Variants in LHFPL2 observed in about 807,000 individuals in gnomAD.
LHFPL2 encodes the protein LHFPL tetraspan subfamily member 2, also known as LHFPL tetraspan subfamily member 2 protein.
A neutral mutation model predicts 17.5 loss-of-function variants in LHFPL2; 7 were observed. The ratio of observed to expected loss-of-function variants is 0.40; its 90% CI spans 0.23 to 0.75. The LOEUF (loss-of-function observed/expected upper bound fraction) is 0.75. Among genes scored for constraint, LHFPL2 ranks in the 30% least tolerant of loss-of-function variants. LHFPL2 has a pLI of 0.37. For synonymous variants in LHFPL2, 134 were observed against 116.2 expected (o/e 1.15, Z -0.99); for missense variants, 241 against 294.8 (o/e 0.82, Z 1.34).
At chr5:78,518,378 G>A (rs913924444) in intron 3 of LHFPL2, among the ~76,000 whole-genome samples, 6 of 152,178 alleles carry the variant, frequency 3.9e-5, no homozygotes, top group Admixed American at 3.3e-4. Flanking sequence ...GGTACGCAGC[G>A]TTTTCCAACT....
At chr5:78,515,937 G>T (rs1755278708) in intron 3 of LHFPL2, among the ~76,000 whole-genome samples, 1 of 152,162 alleles carries the variant, frequency 6.6e-6, no homozygotes, top group African/African-American at 2.4e-5. Context: ...AGGTCACAGG[G>T]CCCAGTGACT....
intron 4 of LHFPL2, chr5:78,494,511 G>GA (rs1754544750): frequency 3.0e-6 from 3 of 985,254 alleles, no homozygotes; most frequent in Non-Finnish European, 3.6e-6. Context: ...GCAATGGGGG[G>GA]ATCACATGAT....
chr5:78,488,830 A>C lies in LHFPL2; in HGVS notation c.*67T>G. ...TAAAGGTTAGTTCTCCACTTGACTC[A>C]AATGATGAAACTGTGGACTGTTTCA... On this transcript the variant is annotated 3_prime_UTR_variant, in exon 5 of 5. Transcript: ENST00000380345. The C allele has an allele frequency of 2.5e-6, 4 of 1,569,548 alleles. No individual in the cohort carries two copies. In the South Asian group the frequency reaches 4.6e-5, roughly 18 times the overall value.
chr5:78,501,026 C>T lies in LHFPL2; in HGVS notation c.430+8758G>A, dbSNP rs117504657. 3.2e-3 allele frequency among the ~76,000 whole-genome samples: 490 copies of T among 152,236 alleles called. 4 individuals carry two copies. The highest frequency in any genetic ancestry group is 0.025 in the East Asian group (132 of 5,178). On this transcript the variant is annotated intron_variant, in intron 4 of 4. Transcript: ENST00000380345. ...ACATTTACTGAGCATCTACTATGTA[C>T]GTAGTGGGTTCCATTCTGAACACTA...
At chr5:78,511,761 T>G (rs535488533) in intron 3 of LHFPL2, among the ~76,000 whole-genome samples, 1 of 152,208 alleles carries the variant, frequency 6.6e-6, no homozygotes, top group African/African-American at 2.4e-5. Context: ...CCTTGAAACA[T>G]GATGTATTTT....
intron 2 of LHFPL2, among the ~76,000 whole-genome samples, chr5:78,604,299 G>A (rs986456014): frequency 2.9e-5 from 4 of 137,822 alleles, no homozygotes; most frequent in African/African-American, 8.3e-5. Context: ...CCAACATGGC[G>A]AAACCCCATC....
chr5:78,610,845 T>G (rs1026893584), intron 2 of LHFPL2, among the ~76,000 whole-genome samples: 1 of 151,682 alleles, frequency 6.6e-6, no homozygotes. Context: ...GCCACATGCA[T>G]GGACTGAACC....
At chr5:78,510,793 T>A (rs1755096053) in intron 3 of LHFPL2, among the ~76,000 whole-genome samples, 1 of 152,224 alleles carries the variant, frequency 6.6e-6, no homozygotes, top group Admixed American at 6.5e-5. Context: ...CAATCAACTC[T>A]ATTAGTGGAT....
chr5:78,500,260 A>G (rs948167857), intron 4 of LHFPL2, among the ~76,000 whole-genome samples: 1 of 152,006 alleles, frequency 6.6e-6, no homozygotes, highest in African/African-American at 2.4e-5. Context: ...CAGCCATCTC[A>G]CCTCCCAAGC....
At chr5:78,529,792 T>G (rs956514033) in intron 3 of LHFPL2, among the ~76,000 whole-genome samples, 4 of 152,226 alleles carry the variant, frequency 2.6e-5, no homozygotes. Flanking sequence ...AATCATAAAT[T>G]TGTGCAATGC....
At chr5:78,568,975 C>T (rs1756928000) in intron 2 of LHFPL2, among the ~76,000 whole-genome samples, 1 of 152,182 alleles carries the variant, frequency 6.6e-6, no homozygotes, top group Admixed American at 6.5e-5. Context: ...CTAAATCACA[C>T]CATTAGTAAA....
chr5:78,577,902 T>C (rs1757172828), intron 2 of LHFPL2, among the ~76,000 whole-genome samples: 2 of 152,210 alleles, frequency 1.3e-5, no homozygotes, highest in South Asian at 2.1e-4. Flanking sequence ...GAAACAAGTC[T>C]TCCAGAGATT....
chr5:78,506,050 A>G (rs1472151872), intron 4 of LHFPL2, among the ~76,000 whole-genome samples: 2 of 152,224 alleles, frequency 1.3e-5, no homozygotes, highest in Admixed American at 6.5e-5. Flanking sequence ...GTGTCCACCT[A>G]ATGGTGCCCT....
chr5:78,517,878 C>A (rs1422965624), intron 3 of LHFPL2, among the ~76,000 whole-genome samples: 1 of 152,214 alleles, frequency 6.6e-6, no homozygotes, highest in Admixed American at 6.5e-5. Context: ...CTAAAGCCCA[C>A]TTGCGTATTT....
At chr5:78,494,749 A>G (rs1301959135) in intron 4 of LHFPL2, among the ~76,000 whole-genome samples, 1 of 152,242 alleles carries the variant, frequency 6.6e-6, no homozygotes, top group Admixed American at 6.5e-5. Context: ...TCCTCACAGA[A>G]GTTTTATCTA....
intron 2 of LHFPL2, among the ~76,000 whole-genome samples, chr5:78,627,707 G>A (rs932858225): frequency 3.9e-5 from 6 of 152,108 alleles, no homozygotes; most frequent in Admixed American, 2.0e-4. Context: ...TGAAGCCCTC[G>A]ATAGCTACTT....
chr5:78,536,128 C>A (rs1480170200), intron 3 of LHFPL2, among the ~76,000 whole-genome samples: 2 of 152,224 alleles, frequency 1.3e-5, no homozygotes, highest in Middle Eastern at 3.4e-3. Flanking sequence ...CAAAAAGGCC[C>A]CAGTGGCTGA....
chr5:78,488,831 A>G lies in LHFPL2; in HGVS notation c.*66T>C, dbSNP rs977363755. On this transcript the variant is annotated 3_prime_UTR_variant, in exon 5 of 5. Coordinates refer to ENST00000380345, the MANE Select transcript of LHFPL2 (RefSeq NM_005779.3). ...AAAGGTTAGTTCTCCACTTGACTCA[A>G]ATGATGAAACTGTGGACTGTTTCAC... 3.2e-6 allele frequency: 5 copies of G among 1,569,568 alleles called. No homozygotes were observed. In the African/African-American group the frequency reaches 5.4e-5, roughly 17 times the overall value.
chr5:78,611,963 T>A (rs1744437880), intron 2 of LHFPL2, among the ~76,000 whole-genome samples: 1 of 152,210 alleles, frequency 6.6e-6, no homozygotes, highest in Non-Finnish European at 1.5e-5. Context: ...AAAGCCACAG[T>A]GCATTTTAAG....
Sources: gnomAD v4.1 joint callset for allele counts (sites outside exome capture counted in the v4.1 genomes callset) on GRCh38, gnomAD v4.1.1 for gene constraint, MANE v1.5 for transcripts, NCBI Gene and HGNC (gene_info 2026-07-23, HGNC 2026-07-21) for gene names.